The following TAF3 variants were observed in gnomAD, a reference collection of about 807,000 sequenced individuals.
The protein encoded by TAF3 is TATA-box binding protein associated factor 3, also known as transcription initiation factor TFIID subunit 3.
TAF3 carries 7 observed loss-of-function variants against 80.6 expected under a neutral mutation model. That is an observed-to-expected ratio of 0.09 (90% CI 0.05 to 0.16). TAF3 has a LOEUF of 0.16. TAF3 is among the 10% of genes least tolerant of loss of function. The pLI, the probability that TAF3 is intolerant of heterozygous loss-of-function variation, is 1.00. For missense variants in TAF3, 921 were observed against 1,140.2 expected (o/e 0.81, Z 2.77); for synonymous variants, 444 against 446.1 (o/e 1.00, Z 0.06).
chr10:7,891,180 T>C (rs1415823735), intron 2 of TAF3, among the ~76,000 whole-genome samples: 1 of 152,244 alleles, frequency 6.6e-6, no homozygotes, highest in African/African-American at 2.4e-5. Context: ...GTTGCTGGTA[T>C]AATTATTATT....
Position 7,824,254 on chromosome 10 carries a change from A to G in TAF3, c.167-64A>G, listed in dbSNP as rs931962513. 20 of 1,538,572 alleles carry G rather than the reference A, an allele frequency of 1.3e-5. 1 individual carries two copies. In the African/African-American group the frequency reaches 1.4e-4, roughly 11 times the overall value. ...CATATTTACTTACTACTTTTTCTTA[A>G]TATTTAAAAATATATTCGTGGGATT... On this transcript the variant is annotated intron_variant, in intron 1 of 6. Coordinates refer to ENST00000344293, the MANE Select transcript of TAF3 (RefSeq NM_031923.4).
intron 2 of TAF3, among the ~76,000 whole-genome samples, chr10:7,859,793 C>T (rs1178565837): frequency 6.6e-6 from 1 of 152,172 alleles, no homozygotes; most frequent in Non-Finnish European, 1.5e-5. Flanking sequence ...CTGTTTCATT[C>T]CTAGCACTTA....
intron 2 of TAF3, among the ~76,000 whole-genome samples, chr10:7,912,061 T>C (rs197449): frequency 0.17 from 25,749 of 152,238 alleles, 2,367 homozygotes; most frequent in South Asian, 0.19. Context: ...TTTATGTCAT[T>C]GTAGTTTGGG....
Position 7,981,104 on chromosome 10 carries a change from G to T in TAF3, c.2315+3781G>T, listed in dbSNP as rs954093214. Among the ~76,000 whole-genome samples, 4 of 152,138 alleles carry T rather than the reference G, an allele frequency of 2.6e-5. No homozygotes were observed. The Middle Eastern group carries it at 9.5e-3, about 361-fold the overall frequency. ...AGGTAAAGGAGCTTTGTGAGAAAAA[G>T]GTGAAACACTGGTAAAGTATTAACA... is the stretch of plus-strand genomic sequence containing the variant. On this transcript the variant is annotated intron_variant, in intron 4 of 6. Transcript: ENST00000344293.
Position 8,009,399 on chromosome 10 carries a change from T to C in TAF3, c.2568+69T>C. 6.7e-7 allele frequency: 1 copy of C among 1,497,470 alleles called. No individual in the cohort carries two copies. The highest frequency in any genetic ancestry group is 8.9e-7 in the Non-Finnish European group (1 of 1,122,972). The allele number at this position is 1,497,470 out of a possible 1,614,324, so 92.8% of individuals were successfully genotyped here. ...GATCGAGACAAGTGTGTGCTCTGAATCACTATCGAATTTCAGACGCATTTC... is the reference window on the plus strand; with the variant it reads ...GATCGAGACAAGTGTGTGCTCTGAACCACTATCGAATTTCAGACGCATTTC... On this transcript the variant is annotated intron_variant, in intron 5 of 6. Transcript: ENST00000344293. This position sits in a 1 kb window ranked among gnomAD's most constrained non-coding sequence, Gnocchi z 4.1.
chr10:7,972,694 G>A (rs1831632415), intron 3 of TAF3, among the ~76,000 whole-genome samples: 1 of 152,080 alleles, frequency 6.6e-6, no homozygotes, highest in Non-Finnish European at 1.5e-5. Context: ...TTTACATATT[G>A]TATTATTTAG....
rs1390622448 is a variant in TAF3, at chr10:8,009,185, T to G, written c.2423T>G (p.Val808Gly). The change falls in exon 5 of 7, where the codon GTC becomes GGC. Residue 808 changes from valine (V) to glycine (G), a missense_variant. Val to Gly is a moderately radical substitution (Grantham distance 109). Coordinates refer to ENST00000344293, the MANE Select transcript of TAF3 (RefSeq NM_031923.4). The surrounding 1 kb of genome is among the most constrained non-coding windows in gnomAD (Gnocchi z 4.1). Reference sequence around the variant, plus strand: ...GCGCCCGCCCCCGGCCCCATGCTCGTCAGCCCTGCGCCCGTGCCGCTGCCG... The same window carrying G: ...GCGCCCGCCCCCGGCCCCATGCTCGGCAGCCCTGCGCCCGTGCCGCTGCCG... ...APAPAPGPML[V>G]SPAPVPLPLL... 1 of 1,508,196 alleles carries G rather than the reference T, an allele frequency of 6.6e-7. No homozygotes were observed. The highest frequency in any genetic ancestry group is 8.9e-7 in the Non-Finnish European group (1 of 1,126,034). The allele number at this position is 1,508,196 out of a possible 1,614,324, so 93.4% of individuals were successfully genotyped here. A position where few individuals can be genotyped will look rare whatever the true frequency, so the allele number is the denominator to read the frequency against.
At chr10:7,828,743 A>G (rs1037476994) in intron 2 of TAF3, among the ~76,000 whole-genome samples, 1 of 152,030 alleles carries the variant, frequency 6.6e-6, no homozygotes, top group Non-Finnish European at 1.5e-5. Context: ...TGCATAAGAA[A>G]GAAATATAGG....
intron 2 of TAF3, among the ~76,000 whole-genome samples, chr10:7,908,719 A>G (rs1398006290): frequency 1.3e-5 from 2 of 152,288 alleles, no homozygotes; most frequent in Non-Finnish European, 2.9e-5. Context: ...TTCAAGCCAC[A>G]AAACCCTTTC....
rs1281022403 is a variant in TAF3, at chr10:7,965,436, C to T, written c.1926C>T (p.Gly642=). ...KREKEKVKDK[G]REDKMKAPAP... Reference sequence around the variant, plus strand: ...AGAAAGAAAAAGTGAAAGATAAAGGCAGAGAAGATAAGATGAAAGCCCCAG... The same window carrying T: ...AGAAAGAAAAAGTGAAAGATAAAGGTAGAGAAGATAAGATGAAAGCCCCAG... Residue 642 remains glycine, a synonymous_variant, in exon 3 of 7, where the codon GGC becomes GGT. Coordinates refer to ENST00000344293, the MANE Select transcript of TAF3 (RefSeq NM_031923.4). 1 of 1,613,426 alleles carries T rather than the reference C, an allele frequency of 6.2e-7. No homozygotes were observed. Among genetic ancestry groups the T allele is most frequent in the Non-Finnish European group, 8.5e-7 (1 of 1,179,872 alleles).
At chr10:7,923,757 A>G (rs1391905106) in intron 2 of TAF3, among the ~76,000 whole-genome samples, 1 of 152,142 alleles carries the variant, frequency 6.6e-6, no homozygotes, top group African/African-American at 2.4e-5. Flanking sequence ...ATAACTATAC[A>G]AATATTGCTA....
intron 2 of TAF3, among the ~76,000 whole-genome samples, chr10:7,938,213 T>C (rs921573755): frequency 6.6e-6 from 1 of 152,166 alleles, no homozygotes; most frequent in African/African-American, 2.4e-5. Context: ...AATCCCTAAC[T>C]TGAAGCAGTG....
At chr10:8,014,441 A>C (rs907808449) in intron 6 of TAF3, among the ~76,000 whole-genome samples, 196 bp from the exon 7 acceptor site, 2 of 152,214 alleles carry the variant, frequency 1.3e-5, no homozygotes, top group African/African-American at 4.8e-5. Context: ...GAGTCTCTGC[A>C]GGGGGCCTGT....
chr10:7,824,263 A>C (rs1313954754), intron 1 of TAF3, 55 bp from the exon 2 acceptor site: 9 of 1,556,568 alleles, frequency 5.8e-6, no homozygotes. Flanking sequence ...AATATTTAAA[A>C]ATATATTCGT....
At chr10:7,861,578 C>A (rs1327083471) in intron 2 of TAF3, among the ~76,000 whole-genome samples, 4 of 152,052 alleles carry the variant, frequency 2.6e-5, no homozygotes, top group Admixed American at 2.6e-4. Context: ...TTATATAATT[C>A]TGTACTGATT....
chr10:7,943,159 A>G (rs775532929), intron 2 of TAF3, among the ~76,000 whole-genome samples: 10 of 152,214 alleles, frequency 6.6e-5, no homozygotes, highest in Non-Finnish European at 8.8e-5. Context: ...TGAGACTCTG[A>G]GAACTCCACT....
intron 2 of TAF3, among the ~76,000 whole-genome samples, chr10:7,827,842 C>A (rs1483559281): frequency 6.6e-6 from 1 of 151,454 alleles, no homozygotes; most frequent in Admixed American, 6.6e-5. Flanking sequence ...GCTTGTAGTC[C>A]CAGCTATCAG....
chr10:7,859,164 G>C (rs971463638), intron 2 of TAF3, among the ~76,000 whole-genome samples: 3 of 151,978 alleles, frequency 2.0e-5, no homozygotes, highest in Non-Finnish European at 2.9e-5. Flanking sequence ...GGGAGGCTGA[G>C]GCAGGAGAAT....
rs767344217 is a variant in TAF3 at position 8,014,629 on chromosome 10, A to G, written c.2676-8A>G. 9 of 1,608,486 alleles carry G rather than the reference A, an allele frequency of 5.6e-6. No individual in the cohort carries two copies. The Admixed American group carries it at 8.5e-5, about 15-fold the overall frequency. ...AAGTTGCTTATCTGAGCTTGTTTTC[A>G]CGTGCAGGCCCTGTGTTGGAATCAT... On this transcript the variant is annotated splice_polypyrimidine_tract_variant and splice_region_variant and intron_variant, in intron 6 of 6. Transcript: ENST00000344293.
Sources: allele counts gnomAD v4.1 joint callset (sites outside exome capture counted in the v4.1 genomes callset), GRCh38; gene constraint gnomAD v4.1.1; non-coding constraint Gnocchi (gnomAD v3.1); transcripts MANE v1.5; gene names NCBI Gene and HGNC (gene_info 2026-07-23, HGNC 2026-07-21).